The following CLDN10 variants were observed in gnomAD, a reference collection of about 807,000 sequenced individuals.
The protein encoded by CLDN10 is claudin-10.
Under a neutral mutation model 22.9 loss-of-function variants are expected in CLDN10, and 15 were observed. The ratio of observed to expected loss-of-function variants is 0.65; its 90% confidence interval spans 0.44 to 1.01. The LOEUF (loss-of-function observed/expected upper bound fraction) is 1.01. Among genes scored for constraint, CLDN10 ranks in the 50% least tolerant of loss-of-function variants. The pLI, the probability that CLDN10 is intolerant of heterozygous loss-of-function variation, is 0.00. For synonymous variants in CLDN10, 114 were observed against 111.4 expected, an observed-to-expected ratio of 1.02 and a Z score of -0.15; for missense variants, 247 against 287.8, an observed-to-expected ratio of 0.86 and a Z score of 1.03.
intron 1 of CLDN10, among the ~76,000 whole-genome samples, chr13:95,520,904 G>T (rs2043218018): frequency 6.6e-6 from 1 of 151,758 alleles, no homozygotes; most frequent in Non-Finnish European, 1.5e-5. Context: ...CGCGGAGACT[G>T]CAGTGAGCCG....
intron 1 of CLDN10, among the ~76,000 whole-genome samples, chr13:95,534,710 T>TA (rs936508725): frequency 6.6e-6 from 1 of 152,114 alleles, no homozygotes; most frequent in East Asian, 1.9e-4. Context: ...TTGGATCATT[T>TA]AAAAAAAGGG....
intron 1 of CLDN10, among the ~76,000 whole-genome samples, chr13:95,490,238 T>A (rs2042857610): frequency 6.6e-6 from 1 of 152,218 alleles, no homozygotes; most frequent in Non-Finnish European, 1.5e-5. Context: ...AGAATTGTTT[T>A]TTCCAACTCT....
intron 1 of CLDN10, among the ~76,000 whole-genome samples, chr13:95,462,128 T>C (rs2042541840): frequency 6.6e-6 from 1 of 152,110 alleles, no homozygotes; most frequent in African/African-American, 2.4e-5. Flanking sequence ...CATGCAGTAG[T>C]ACTTAAACCC....
At chr13:95,530,476 C>T (rs1018208900) in intron 1 of CLDN10, among the ~76,000 whole-genome samples, 1 of 152,154 alleles carries the variant, frequency 6.6e-6, no homozygotes, top group African/African-American at 2.4e-5. Context: ...CCAGGAAAGG[C>T]TGCCAAGAAG....
chr13:95,484,865 CA>C (rs746231195), intron 1 of CLDN10, among the ~76,000 whole-genome samples: 596 of 93,400 alleles, frequency 6.4e-3, no homozygotes, highest in Non-Finnish European at 8.2e-3. Flanking sequence ...GACCCTGTCT[CA>C]AAAAAAAAAA....
intron 3 of CLDN10, among the ~76,000 whole-genome samples, 175 bp from the exon 4 acceptor site, chr13:95,577,056 A>G (rs2043942041): frequency 6.6e-6 from 1 of 152,210 alleles, no homozygotes; most frequent in Admixed American, 6.5e-5. Context: ...TGGCTATAAA[A>G]ACACTTTGGG....
At chr13:95,491,892 G>A (rs916524188) in intron 1 of CLDN10, among the ~76,000 whole-genome samples, 3 of 152,040 alleles carry the variant, frequency 2.0e-5, no homozygotes, top group Non-Finnish European at 4.4e-5. Context: ...TTTTCCTGTG[G>A]ATGTGGCTTC....
intron 1 of CLDN10, among the ~76,000 whole-genome samples, chr13:95,448,756 G>T (rs1456992896): frequency 1.6e-5 from 1 of 62,544 alleles, no homozygotes; most frequent in Non-Finnish European, 3.8e-5. Context: ...ATTTTATTTT[G>T]AGGCAGATTC....
rs552366869 is a variant in CLDN10, at chr13:95,535,421, G to C, written c.215-24711G>C. ...AATGACTCATGGCAGTTCAGAAAGA[G>C]TGTCAACAAGATTGAGTGATGAGGA... On this transcript the variant is annotated intron_variant, in intron 1 of 4. Coordinates refer to the CLDN10 transcript ENST00000376873. 3.3e-5 allele frequency among the ~76,000 whole-genome samples: 5 copies of C among 151,734 alleles called. No homozygotes were observed. In the South Asian group the frequency reaches 1.0e-3, roughly 32 times the overall value.
intron 1 of CLDN10, among the ~76,000 whole-genome samples, chr13:95,455,003 G>A (rs2042468530): frequency 6.6e-6 from 1 of 152,008 alleles, no homozygotes; most frequent in Non-Finnish European, 1.5e-5. Flanking sequence ...CCTGGGCAAC[G>A]TAGTGAGACC....
At chr13:95,466,448 C>T (rs1335256644) in intron 1 of CLDN10, among the ~76,000 whole-genome samples, 1 of 152,084 alleles carries the variant, frequency 6.6e-6, no homozygotes, top group African/African-American at 2.4e-5. Context: ...TATAACAAGG[C>T]AGTGAGAACC....
intron 1 of CLDN10, among the ~76,000 whole-genome samples, chr13:95,481,774 T>A (rs2042749320): frequency 6.6e-6 from 1 of 152,142 alleles, no homozygotes; most frequent in Non-Finnish European, 1.5e-5. Context: ...AATCCCAGCA[T>A]TTTGGGAAGC....
chr13:95,448,991 G>A (rs1372868419), intron 1 of CLDN10, among the ~76,000 whole-genome samples: 4 of 151,470 alleles, frequency 2.6e-5, no homozygotes, highest in South Asian at 2.1e-4. Flanking sequence ...TGCCTCCCTC[G>A]GCTTCCCAAA....
chr13:95,473,548 T>C (rs2042656710), intron 1 of CLDN10, among the ~76,000 whole-genome samples: 1 of 152,048 alleles, frequency 6.6e-6, no homozygotes, highest in Non-Finnish European at 1.5e-5. Context: ...GGCTGAGTAG[T>C]AATAGCAAAT....
chr13:95,545,731 C>G (rs1000827604), intron 1 of CLDN10, among the ~76,000 whole-genome samples: 2 of 151,886 alleles, frequency 1.3e-5, no homozygotes, highest in African/African-American at 4.8e-5. Context: ...TAAATATTTT[C>G]ACCAGAAAAT....
chr13:95,466,483 T>C (rs1425477972), intron 1 of CLDN10, among the ~76,000 whole-genome samples: 1 of 152,194 alleles, frequency 6.6e-6, no homozygotes, highest in Non-Finnish European at 1.5e-5. Flanking sequence ...CCAGAGAATG[T>C]GCATTTCAGT....
In CLDN10 at chr13:95,433,900, A is replaced by G. The variant is rs779968361; in HGVS notation, c.67A>G (p.Thr23Ala). 11 of 1,614,176 alleles carry G rather than the reference A, an allele frequency of 6.8e-6. No homozygotes were observed. The Admixed American group carries it at 1.7e-4, about 24-fold the overall frequency. ...AGGGTTTGGAGCTCTCGTTGCTGCT[A>G]CCACGTCCAATGAGTGGAAAGTGAC... is the stretch of plus-strand genomic sequence containing the variant. The change falls in exon 1 of 5, where the codon ACC becomes GCC. Residue 23 changes from threonine (T) to alanine (A), a missense_variant. Transcript: ENST00000376873.
chr13:95,488,700 T>C (rs1024345372), intron 1 of CLDN10, among the ~76,000 whole-genome samples: 1 of 152,204 alleles, frequency 6.6e-6, no homozygotes, highest in African/African-American at 2.4e-5. Context: ...ATAATTCATT[T>C]CTTTTTAGGT....
At chr13:95,471,071 A>G (rs1316230484) in intron 1 of CLDN10, among the ~76,000 whole-genome samples, 1 of 152,134 alleles carries the variant, frequency 6.6e-6, no homozygotes, top group African/African-American at 2.4e-5. Flanking sequence ...GGAAAAGGGT[A>G]AAGTCCTAGC....
Sources: allele counts gnomAD v4.1 joint callset (sites outside exome capture counted in the v4.1 genomes callset), GRCh38; gene constraint gnomAD v4.1.1; transcripts MANE v1.5; gene names NCBI Gene and HGNC (gene_info 2026-07-23, HGNC 2026-07-21).